Variants in AGTPBP1 observed in about 807,000 individuals in gnomAD.
AGTPBP1 encodes cytosolic carboxypeptidase 1.
AGTPBP1 carries 70 observed loss-of-function variants against 143.9 expected under a neutral mutation model. The observed-to-expected ratio is 0.49, with a 90% confidence interval of 0.40 to 0.59. AGTPBP1 has a LOEUF of 0.59. Ranked by LOEUF, AGTPBP1 falls within the 20% of genes least tolerant of loss-of-function variation. The pLI is 0.00. For missense variants in AGTPBP1, 1,229 were observed against 1,464.5 expected (o/e 0.84, Z 2.62); for synonymous variants, 463 against 500.2 (o/e 0.93, Z 0.99).
At chr9:85,646,277 T>C (rs1169405294) in intron 12 of AGTPBP1, 44 bp downstream of exon 12, 1 of 1,400,868 alleles carries the variant, frequency 7.1e-7, no homozygotes. Flanking sequence ...ACAACTGTAG[T>C]ATATCATTTA....
chr9:85,624,728 C>A (rs2133598959), intron 14 of AGTPBP1, among the ~76,000 whole-genome samples: 1 of 152,206 alleles, frequency 6.6e-6, no homozygotes, highest in East Asian at 1.9e-4. Context: ...TACACAAAAT[C>A]AAGTATGATA....
At chr9:85,580,818 CT>C (rs1394563761) in intron 23 of AGTPBP1, among the ~76,000 whole-genome samples, 2 of 152,148 alleles carry the variant, frequency 1.3e-5, no homozygotes, top group Non-Finnish European at 2.9e-5. Flanking sequence ...GAAATCTTAT[CT>C]GACTAAAAGA....
chr9:85,764,236 A>G, the AGTPBP1 span, among the ~76,000 whole-genome samples: 161 of 152,244 alleles, frequency 1.1e-3, no homozygotes, highest in African/African-American at 3.6e-3. Context: ...GATTTTAGAA[A>G]ATGAACACCC....
At position 85,615,928 on chromosome 9, in the gene AGTPBP1, G is replaced by A. The variant is rs138923441; in HGVS notation, c.2335+3055C>T. Among the ~76,000 whole-genome samples, 731 of 151,958 alleles carry A rather than the reference G, an allele frequency of 4.8e-3. 4 individuals carry two copies. The highest frequency in any genetic ancestry group is 8.3e-3 in the Admixed American group (126 of 15,266). ...GAAAGGTTTGGATAAATAAATTACA[G>A]TACTTCCACTGGATGTCTCTTAAAA... On this transcript the variant is annotated intron_variant, in intron 17 of 25. Coordinates refer to ENST00000357081, the MANE Select transcript of AGTPBP1 (RefSeq NM_001330701.2).
the AGTPBP1 span, among the ~76,000 whole-genome samples, chr9:85,759,833 G>A: frequency 6.6e-6 from 1 of 151,868 alleles, no homozygotes; most frequent in East Asian, 1.9e-4. Flanking sequence ...GAATCAAGGA[G>A]CTGGTTTTTT....
intron 1 of AGTPBP1, among the ~76,000 whole-genome samples, chr9:85,718,972 T>G (rs1368629214): frequency 6.6e-6 from 1 of 152,168 alleles, no homozygotes; most frequent in African/African-American, 2.4e-5. Flanking sequence ...AAAGATCAGA[T>G]GGTTGCAGAT....
At chr9:85,605,103 C>T (rs752421715) in intron 17 of AGTPBP1, among the ~76,000 whole-genome samples, 1 of 152,042 alleles carries the variant, frequency 6.6e-6, no homozygotes, top group South Asian at 2.1e-4. Flanking sequence ...ACTTTCCAAA[C>T]CTAGAGAAAG....
At chr9:85,708,683 A>G (rs111932643) in intron 2 of AGTPBP1, among the ~76,000 whole-genome samples, 109 of 152,104 alleles carry the variant, frequency 7.2e-4, no homozygotes, top group African/African-American at 2.6e-3. Context: ...GATTACAGGC[A>G]TCCACCACCA....
intron 1 of AGTPBP1, among the ~76,000 whole-genome samples, chr9:85,734,261 A>C (rs925293049): frequency 8.5e-5 from 13 of 152,098 alleles, no homozygotes; most frequent in African/African-American, 2.9e-4. Context: ...GAAACAAACA[A>C]ACAAAAAAAC....
At chr9:85,653,484 C>T (rs544215189) in intron 11 of AGTPBP1, among the ~76,000 whole-genome samples, 1 of 152,112 alleles carries the variant, frequency 6.6e-6, no homozygotes, top group African/African-American at 2.4e-5. Context: ...TTTCTCTATC[C>T]GTCAATCCAG....
At chr9:85,547,325 G>A (rs1825790584) in intron 25 of AGTPBP1, 39 bp from the exon 26 acceptor site, 1 of 1,489,230 alleles carries the variant, frequency 6.7e-7, no homozygotes, top group Non-Finnish European at 9.0e-7. Flanking sequence ...GACTTTGTGA[G>A]GTCTTAAGGT....
At chr9:85,559,334 G>A (rs1371926531) in intron 25 of AGTPBP1, among the ~76,000 whole-genome samples, 1 of 151,792 alleles carries the variant, frequency 6.6e-6, no homozygotes, top group African/African-American at 2.4e-5. Flanking sequence ...AGTCGACAGT[G>A]AGCATTATTG....
At chr9:85,630,880 T>C (rs910502493) in intron 14 of AGTPBP1, among the ~76,000 whole-genome samples, 1 of 152,182 alleles carries the variant, frequency 6.6e-6, no homozygotes, top group East Asian at 1.9e-4. Flanking sequence ...CTGAGCAGTG[T>C]GAGCCCCTGG....
At chr9:85,703,375 A>G (rs1836792711) in intron 2 of AGTPBP1, among the ~76,000 whole-genome samples, 1 of 152,228 alleles carries the variant, frequency 6.6e-6, no homozygotes, top group East Asian at 1.9e-4. Flanking sequence ...AGAGGCAGAG[A>G]AGTAAGGAGA....
In AGTPBP1 at chr9:85,633,097, T is replaced by C. The variant is rs761779961; in HGVS notation, c.1580A>G (p.Asn527Ser). The stretch of plus-strand genomic sequence containing the variant: ...GTCCAAGGCCTTTACAATATCATTG[T>C]TTAAACCATGGACTGATGAAATAGT... ...NRTISSVHGL[N>S]NDIVKALDRI... Residue 527 changes from asparagine to serine, a missense_variant, in exon 14 of 26, where the codon AAC (asparagine) becomes AGC (serine). Asn to Ser is a conservative substitution (Grantham distance 46). Around this residue, in one of 2 missense-constraint regions of AGTPBP1, gnomAD observed 743 missense variants for 812.2 expected, o/e 0.91. Transcript: ENST00000357081. 5.6e-6 allele frequency: 9 copies of C among 1,614,074 alleles called. No individual in the cohort carries two copies. The highest frequency in any genetic ancestry group is 6.8e-6 in the Non-Finnish European group (8 of 1,180,040).
chr9:85,669,634 T>C, intron 7 of AGTPBP1, 56 bp from the exon 8 acceptor site: 1 of 1,212,786 alleles, frequency 8.2e-7, no homozygotes, highest in South Asian at 1.2e-5. Context: ...ACCAAAAATG[T>C]GTATACTTAG....
At position 85,633,280 on chromosome 9, in the gene AGTPBP1, G is replaced by C. The variant is rs1831807730; in HGVS notation, c.1397C>G (p.Ser466Cys). The change falls in exon 14 of 26, where the codon TCT becomes TGT. Residue 466 changes from serine (S) to cysteine (C), a missense_variant. Ser to Cys is a moderately radical substitution (Grantham distance 112). Around this residue, in one of 2 missense-constraint regions of AGTPBP1, gnomAD observed 743 missense variants for 812.2 expected, o/e 0.91. Coordinates refer to ENST00000357081, the MANE Select transcript of AGTPBP1 (RefSeq NM_001330701.2). ...IVVPTAGEET[S>C]GNSGNLRKVV... The stretch of plus-strand genomic sequence containing the variant: ...TTTTCTTAAATTGCCAGAATTCCCA[G>C]ATGTTTCCTCGCCTGCCGTAGGAAC... The C allele has an allele frequency of 1.9e-6, 3 of 1,613,894 alleles. No homozygotes were observed. The highest frequency in any genetic ancestry group is 2.2e-5 in the East Asian group (1 of 44,876).
intron 25 of AGTPBP1, among the ~76,000 whole-genome samples, chr9:85,549,038 C>T (rs535385615): frequency 6.6e-6 from 1 of 152,126 alleles, no homozygotes; most frequent in Non-Finnish European, 1.5e-5. Flanking sequence ...ATTCTTCCTC[C>T]TTGAGTTTGT....
At chr9:85,642,382 G>A (rs1832535265) in intron 13 of AGTPBP1, among the ~76,000 whole-genome samples, 2 of 151,282 alleles carry the variant, frequency 1.3e-5, no homozygotes, top group Admixed American at 1.3e-4. Context: ...AGGCTGGAGT[G>A]TAATGGCGAG....
Sources: allele counts gnomAD v4.1 joint callset (sites outside exome capture counted in the v4.1 genomes callset), GRCh38; gene constraint gnomAD v4.1.1; regional missense constraint gnomAD v4.1.1; transcripts MANE v1.5; gene names NCBI Gene and HGNC (gene_info 2026-07-23, HGNC 2026-07-21).